The following EHD2 variants were observed in gnomAD, a reference collection of about 807,000 sequenced individuals.
The protein encoded by EHD2 is EH domain containing 2, also known as EH domain-containing protein 2.
In EHD2, 27 loss-of-function variants were observed where a neutral mutation model predicts 41.0. The ratio of observed to expected loss-of-function variants is 0.66; its 90% CI spans 0.49 to 0.91. The LOEUF (loss-of-function observed/expected upper bound fraction) is 0.91. Among genes scored for constraint, EHD2 ranks in the 40% least tolerant of loss-of-function variants. The probability of loss-of-function intolerance (pLI) is 0.00; values close to 1 mark genes in which losing one functional copy is unlikely to be tolerated. For missense variants in EHD2, 673 were observed against 773.9 expected (o/e 0.87, Z 1.55); for synonymous variants, 342 against 341.0 (o/e 1.00, Z -0.03).
At position 47,716,790 on chromosome 19, in the gene EHD2, A is replaced by G; in HGVS notation, c.178A>G (p.Met60Val). 6.2e-7 allele frequency: 1 copy of G among 1,611,898 alleles called. No individual in the cohort carries two copies. The highest frequency in any genetic ancestry group is 8.5e-7 in the Non-Finnish European group (1 of 1,178,946). The change falls in exon 2 of 6, where the codon ATG (methionine) becomes GTG (valine). Residue 60 changes from methionine to valine, a missense_variant. Transcript: ENST00000263277. Reference sequence around the variant, plus strand: ...GGACGCAGACTTCGACGGCAAGCCCATGGTGCTGGTGGCCGGCCAGTACAG... The same window carrying G: ...GGACGCAGACTTCGACGGCAAGCCCGTGGTGCTGGTGGCCGGCCAGTACAG... ...LEDADFDGKP[M>V]VLVAGQYSTG...
intron 3 of EHD2, among the ~76,000 whole-genome samples, chr19:47,720,910 G>A (rs1190788949): frequency 6.6e-6 from 1 of 152,018 alleles, no homozygotes; most frequent in African/African-American, 2.4e-5. Context: ...GTCTGTGTGT[G>A]TGCCTTTGGA....
chr19:47,723,503 T>C (rs1190400594), intron 3 of EHD2, among the ~76,000 whole-genome samples: 1 of 151,518 alleles, frequency 6.6e-6, no homozygotes, highest in Admixed American at 6.6e-5. Context: ...CTACTAAAAA[T>C]ACAGAAATTA....
At chr19:47,725,422 A>G (rs971465039) in intron 3 of EHD2, among the ~76,000 whole-genome samples, 5 of 137,842 alleles carry the variant, frequency 3.6e-5, no homozygotes, top group African/African-American at 1.3e-4. Context: ...AAAAAAAATT[A>G]GCCAGGTGTG....
intron 4 of EHD2, among the ~76,000 whole-genome samples, chr19:47,734,886 C>G (rs1219421044): frequency 6.6e-6 from 1 of 151,946 alleles, no homozygotes; most frequent in African/African-American, 2.4e-5. Context: ...AAGCCAGTCT[C>G]TACTAAACAT....
chr19:47,729,625 G>T (rs988025431), intron 4 of EHD2: 1 of 152,772 alleles, frequency 6.5e-6, no homozygotes, highest in Non-Finnish European at 1.5e-5. Context: ...GGGAGGCCAA[G>T]AAGGTTCTAG....
In EHD2 at chr19:47,726,183, C is replaced by A; in HGVS notation, c.874C>A (p.Arg292Ser). 3 of 1,561,418 alleles carry A rather than the reference C, an allele frequency of 1.9e-6. No individual in the cohort carries two copies. Among genetic ancestry groups the A allele is most frequent in the East Asian group, 2.3e-5 (1 of 43,746 alleles). The change falls in exon 4 of 6, where the codon CGC (arginine) becomes AGC (serine). Residue 292 changes from arginine to serine, a missense_variant. Coordinates refer to ENST00000263277, the MANE Select transcript of EHD2 (RefSeq NM_014601.4). The part of the protein sequence containing the change: ...IQGLPRHAAL[R>S]KLNDLVKRAR... The stretch of plus-strand genomic sequence containing the variant: ...GGGCCTGCCCCGGCACGCAGCCTTG[C>A]GCAAGCTCAACGACCTGGTGAAGAG...
intron 4 of EHD2, among the ~76,000 whole-genome samples, 166 bp from the exon 5 acceptor site, chr19:47,736,199 GAAAA>G (rs931972020): frequency 6.7e-6 from 1 of 149,276 alleles, no homozygotes; most frequent in African/African-American, 2.5e-5. Flanking sequence ...CCGTCTCAAA[GAAAA>G]AAAAAGAGAG....
Position 47,741,800 on chromosome 19 carries a change from A to C in EHD2, c.*368A>C, listed in dbSNP as rs1966993118. 3 of 493,332 alleles carry C rather than the reference A, an allele frequency of 6.1e-6. No individual in the cohort carries two copies. Among genetic ancestry groups the C allele is most frequent in the Non-Finnish European group, 1.2e-5 (3 of 251,680 alleles). 30.6% of individuals were successfully genotyped at this position (493,332 alleles called of 1,614,324 possible). On this transcript the variant is annotated 3_prime_UTR_variant, in exon 6 of 6. Transcript: ENST00000263277. This position sits in a 1 kb window ranked among gnomAD's most constrained non-coding sequence, Gnocchi z 4.5. ...CATAGAGAACAAAATAGACAAATAC[A>C]TCTGCCCTCATGGAAGGTGACGTTC...
At chr19:47,726,528 C>A (rs988266926) in intron 4 of EHD2, among the ~76,000 whole-genome samples, 1 of 142,314 alleles carries the variant, frequency 7.0e-6, no homozygotes, top group African/African-American at 2.5e-5. Flanking sequence ...TCTTTCTTCT[C>A]TCTTTCCTCC....
rs78985505 is a variant in EHD2 at position 47,741,120 on chromosome 19, C to T, written c.1320C>T (p.Asp440=). The T allele has an allele frequency of 2.2e-3, 3,593 of 1,611,082 alleles. 59 individuals are homozygous for T. In the East Asian group the frequency reaches 0.038, roughly 17 times the overall value. Residue 440 remains aspartate, a synonymous_variant, in exon 6 of 6, where the codon GAC becomes GAT. Coordinates refer to ENST00000263277, the MANE Select transcript of EHD2 (RefSeq NM_014601.4). This position sits in a 1 kb window ranked among gnomAD's most constrained non-coding sequence, Gnocchi z 4.5. ...AMEDGEEGSD[D]EAEWVVTKDK... ...AGGACGGCGAGGAGGGCTCGGACGA[C>T]GAGGCCGAGTGGGTGGTGACCAAGG...
chr19:47,731,279 A>AAATATATATATAT, intron 4 of EHD2: 12 of 60,928 alleles, frequency 2.0e-4, no homozygotes, highest in Non-Finnish European at 3.3e-4. Flanking sequence ...AAAAAAAAAA[A>AAATATATATATAT]ATATATATAT....
chr19:47,725,289 G>C (rs1023877053), intron 3 of EHD2, among the ~76,000 whole-genome samples: 4 of 151,068 alleles, frequency 2.6e-5, no homozygotes, highest in Non-Finnish European at 1.5e-5. Flanking sequence ...GGTGGCCCAC[G>C]CCTGTAATCC....
chr19:47,720,831 G>T (rs1034925148), intron 3 of EHD2, among the ~76,000 whole-genome samples: 4 of 152,080 alleles, frequency 2.6e-5, no homozygotes, highest in African/African-American at 9.7e-5. Flanking sequence ...GTGCTTCTGT[G>T]TGGTGTTGTG....
intron 4 of EHD2, among the ~76,000 whole-genome samples, chr19:47,734,750 GAA>G: frequency 7.0e-6 from 1 of 143,470 alleles, no homozygotes; most frequent in African/African-American, 2.6e-5. Flanking sequence ...CTTTCAAAAA[GAA>G]AAAAAAAGTG....
At chr19:47,726,518 T>G (rs1220366229) in intron 4 of EHD2, among the ~76,000 whole-genome samples, 1 of 150,370 alleles carries the variant, frequency 6.7e-6, no homozygotes, top group Admixed American at 6.7e-5. Flanking sequence ...CTCTTTTTCT[T>G]CTTTCTTCTC....
chr19:47,733,751 C>CAAAAATAAAAAAAAAAAAAAAAA (rs1966893075), intron 4 of EHD2, among the ~76,000 whole-genome samples: 1 of 57,116 alleles, frequency 1.8e-5, no homozygotes, highest in Non-Finnish European at 3.3e-5. Flanking sequence ...GACTCTGTCT[C>CAAAAATAAAAAAAAAAAAAAAAA]AAAAAAAAAA....
chr19:47,728,067 G>A (rs1423403493), intron 4 of EHD2, among the ~76,000 whole-genome samples: 1 of 141,138 alleles, frequency 7.1e-6, no homozygotes, highest in African/African-American at 2.7e-5. Flanking sequence ...CTGCACTCCA[G>A]CCTAGGCGAC....
intron 1 of EHD2, among the ~76,000 whole-genome samples, chr19:47,715,945 G>A (rs2123632419): frequency 6.6e-6 from 1 of 151,714 alleles, no homozygotes; most frequent in Admixed American, 6.6e-5. Context: ...TTTTTTGTAT[G>A]TTTAGTAGAG....
chr19:47,737,766 A>C (rs972899597), intron 5 of EHD2, among the ~76,000 whole-genome samples: 1 of 151,930 alleles, frequency 6.6e-6, no homozygotes, highest in African/African-American at 2.4e-5. Flanking sequence ...GCTGGAGTGC[A>C]ATGGGGTGAT....
Sources: gnomAD v4.1 joint callset for allele counts (sites outside exome capture counted in the v4.1 genomes callset) on GRCh38, gnomAD v4.1.1 for gene constraint, Gnocchi (gnomAD v3.1) non-coding constraint, MANE v1.5 for transcripts, NCBI Gene and HGNC (gene_info 2026-07-23, HGNC 2026-07-21) for gene names.